Variants in YTHDC1 observed in about 807,000 individuals in gnomAD.
The protein encoded by YTHDC1 is YTH N6-methyladenosine RNA binding protein C1.
YTHDC1 carries 12 observed loss-of-function variants against 107.0 expected under a neutral mutation model. That is an observed-to-expected ratio of 0.11 (90% CI 0.07 to 0.18). The LOEUF (loss-of-function observed/expected upper bound fraction) is 0.18. Among genes scored for constraint, YTHDC1 ranks in the 10% least tolerant of loss-of-function variants. YTHDC1 has a pLI of 1.00. For missense variants in YTHDC1, 635 were observed against 898.8 expected, an observed-to-expected ratio of 0.71 and a Z score of 3.75; for synonymous variants, 280 against 289.5, an observed-to-expected ratio of 0.97 and a Z score of 0.33.
At chr4:68,323,026 T>G in intron 10 of YTHDC1, 111 bp from the exon 11 acceptor site, 4 of 1,036,616 alleles carry the variant, frequency 3.9e-6, no homozygotes, top group Non-Finnish European at 5.6e-6. Flanking sequence ...TTCCCAAGGC[T>G]GATGATCATA....
intron 1 of YTHDC1, among the ~76,000 whole-genome samples, chr4:68,342,966 T>A (rs1393688606): frequency 2.0e-5 from 3 of 152,182 alleles, no homozygotes; most frequent in Non-Finnish European, 4.4e-5. Flanking sequence ...TTATTGATAT[T>A]CTATATAGAG....
Position 68,322,702 on chromosome 4 carries a change from T to A in YTHDC1, c.1601+47A>T. 6.3e-7 allele frequency: 1 copy of A among 1,588,344 alleles called. No homozygotes were observed. On this transcript the variant is annotated intron_variant, in intron 11 of 16. Coordinates refer to ENST00000344157, the MANE Select transcript of YTHDC1 (RefSeq NM_001031732.4). The surrounding 1 kb of genome is among the most constrained non-coding windows in gnomAD (Gnocchi z 4.8). ...TGACGAATCATATTCCTCCATCATGTTATTCTGATACATGTGCCTATTATC... is the reference window on the plus strand; with the variant it reads ...TGACGAATCATATTCCTCCATCATGATATTCTGATACATGTGCCTATTATC...
intron 1 of YTHDC1, among the ~76,000 whole-genome samples, chr4:68,345,042 C>CA (rs1023987857): frequency 5.3e-5 from 8 of 151,724 alleles, no homozygotes; most frequent in African/African-American, 7.3e-5. Context: ...CCGCCAACAA[C>CA]AAAAAAAATC....
In YTHDC1 at chr4:68,322,753, C is replaced by T. The variant is rs369029834; in HGVS notation, c.1597G>A (p.Gly533Arg). 1.9e-6 allele frequency: 3 copies of T among 1,613,792 alleles called. No individual in the cohort carries two copies. The highest frequency in any genetic ancestry group is 2.5e-6 in the Non-Finnish European group (3 of 1,179,888). Residue 533 changes from glycine (G) to arginine (R), a missense_variant, in exon 11 of 17, where the codon GGA becomes AGA. Physicochemically the swap from Gly to Arg is moderately radical, Grantham distance 125. Coordinates refer to ENST00000344157, the MANE Select transcript of YTHDC1 (RefSeq NM_001031732.4). This position sits in a 1 kb window ranked among gnomAD's most constrained non-coding sequence, Gnocchi z 4.8. ...PSRREPVRDV[G>R]RRRPEDYDIH... is the part of the protein sequence containing the mutation. ...AGTCCAAAGAACGTTTCTAACCTTC[C>T]CACATCCCGGACTGGTTCTCGACGG...
intron 9 of YTHDC1, among the ~76,000 whole-genome samples, chr4:68,328,616 T>C (rs1248261238): frequency 1.3e-5 from 2 of 152,232 alleles, no homozygotes; most frequent in East Asian, 3.8e-4. Context: ...AATTTTCTAT[T>C]TCAAAGAATT....
chr4:68,326,927 G>A (rs1414759801), intron 9 of YTHDC1, among the ~76,000 whole-genome samples: 1 of 151,160 alleles, frequency 6.6e-6, no homozygotes, highest in Non-Finnish European at 1.5e-5. Flanking sequence ...GTGGTTTGTT[G>A]ATTAAAGTTA....
chr4:68,311,192 C>A lies in YTHDC1; in HGVS notation c.*2907G>T, dbSNP rs1459354377. 1 of 152,068 alleles carries A rather than the reference C, an allele frequency of 6.6e-6. No homozygotes were observed. The highest frequency in any genetic ancestry group is 1.9e-4 in the East Asian group (1 of 5,186). 9.4% of individuals were successfully genotyped at this position (152,068 alleles called of 1,614,324 possible). A position where few individuals can be genotyped will look rare whatever the true frequency, so the allele number is the denominator to read the frequency against. Reference sequence around the variant, plus strand: ...ATGGCTATTCAGTCCTTTTGGGGAACTGACATGGACACTGGGAGGAAAATA... The same window carrying A: ...ATGGCTATTCAGTCCTTTTGGGGAAATGACATGGACACTGGGAGGAAAATA... On this transcript the variant is annotated 3_prime_UTR_variant, in exon 17 of 17. Transcript: ENST00000344157.
chr4:68,347,417 G>C (rs1325136148), intron 1 of YTHDC1, among the ~76,000 whole-genome samples: 3 of 152,110 alleles, frequency 2.0e-5, no homozygotes, highest in South Asian at 2.1e-4. Flanking sequence ...ATCACCACAG[G>C]AATCACAGGG....
At chr4:68,334,636 A>G (rs1296275475) in intron 4 of YTHDC1, among the ~76,000 whole-genome samples, 1 of 152,094 alleles carries the variant, frequency 6.6e-6, no homozygotes, top group Non-Finnish European at 1.5e-5. Flanking sequence ...TCCCCCATGG[A>G]TATTTCTTTC....
rs190664434 is a variant in YTHDC1 at position 68,341,939 on chromosome 4, A to C, written c.29-3555T>G. Among the ~76,000 whole-genome samples the C allele has an allele frequency of 9.8e-5, 15 of 152,310 alleles. No individual in the cohort carries two copies. In the East Asian group the frequency reaches 2.9e-3, roughly 29 times the overall value. ...TCTATGAGTTTTTCAACCTGTAAGAAGACTCTCCTTCCTTATAACTATTGG... is the reference window on the plus strand; with the variant it reads ...TCTATGAGTTTTTCAACCTGTAAGACGACTCTCCTTCCTTATAACTATTGG... On this transcript the variant is annotated intron_variant, in intron 1 of 16. Transcript: ENST00000344157.
chr4:68,323,810 C>T (rs182532242), intron 10 of YTHDC1, among the ~76,000 whole-genome samples: 34 of 152,214 alleles, frequency 2.2e-4, no homozygotes, highest in African/African-American at 7.7e-4. Flanking sequence ...ATATACTAAA[C>T]GGCAATTCTA....
At chr4:68,324,040 T>G in intron 10 of YTHDC1, 99 bp downstream of exon 10, 3 of 1,032,580 alleles carry the variant, frequency 2.9e-6, no homozygotes, top group Non-Finnish European at 4.3e-6. Context: ...TCTCACGTGG[T>G]CTCTTTCATC....
intron 9 of YTHDC1, among the ~76,000 whole-genome samples, chr4:68,324,612 T>G (rs886834707): frequency 4.6e-5 from 7 of 152,128 alleles, no homozygotes; most frequent in Admixed American, 1.3e-4. Flanking sequence ...TCAAAAAACT[T>G]AAAAACTGAC....
At chr4:68,343,245 C>T (rs1725046375) in intron 1 of YTHDC1, among the ~76,000 whole-genome samples, 1 of 151,908 alleles carries the variant, frequency 6.6e-6, no homozygotes, top group Non-Finnish European at 1.5e-5. Flanking sequence ...GTCACCCAGG[C>T]TGGAGTGCAG....
chr4:68,313,825 T>G lies in YTHDC1; in HGVS notation c.*274A>C, dbSNP rs1560466620. ...GATGAACACACTATAAGAACATTTA[T>G]GGAGAAAGAATCAGTATCTACATTC... On this transcript the variant is annotated 3_prime_UTR_variant, in exon 17 of 17. Coordinates refer to ENST00000344157, the MANE Select transcript of YTHDC1 (RefSeq NM_001031732.4). 2 of 454,890 alleles carry G rather than the reference T, an allele frequency of 4.4e-6. No homozygotes were observed. Among genetic ancestry groups the G allele is most frequent in the African/African-American group, 3.9e-5 (2 of 51,280 alleles). 28.2% of individuals were successfully genotyped at this position (454,890 alleles called of 1,614,324 possible).
chr4:68,326,765 A>G (rs1477583099), intron 9 of YTHDC1, among the ~76,000 whole-genome samples: 1 of 151,486 alleles, frequency 6.6e-6, no homozygotes, highest in Admixed American at 6.6e-5. Flanking sequence ...TAATTTTTGC[A>G]TTTTTAGTAG....
At chr4:68,344,649 G>A (rs1052066410) in intron 1 of YTHDC1, among the ~76,000 whole-genome samples, 1 of 152,206 alleles carries the variant, frequency 6.6e-6, no homozygotes, top group Non-Finnish European at 1.5e-5. Context: ...ACGTGTGAAT[G>A]TTTTGTATTA....
intron 1 of YTHDC1, among the ~76,000 whole-genome samples, chr4:68,339,445 G>C (rs563814674): frequency 1.3e-5 from 2 of 152,194 alleles, no homozygotes; most frequent in Non-Finnish European, 1.5e-5. Context: ...TCTGAATAAA[G>C]TTTGTAAATC....
chr4:68,348,904 G>A (rs1725746493), intron 1 of YTHDC1, among the ~76,000 whole-genome samples: 1 of 152,188 alleles, frequency 6.6e-6, no homozygotes, highest in South Asian at 2.1e-4. Context: ...CCACTCTCCA[G>A]AGAGACACTG....
Sources: gnomAD v4.1 joint callset for allele counts (sites outside exome capture counted in the v4.1 genomes callset) on GRCh38, gnomAD v4.1.1 for gene constraint, Gnocchi (gnomAD v3.1) non-coding constraint, MANE v1.5 for transcripts, NCBI Gene and HGNC (gene_info 2026-07-23, HGNC 2026-07-21) for gene names.